The following SYT1 variants were observed in gnomAD, a reference collection of about 807,000 sequenced individuals.
The protein encoded by SYT1 is synaptotagmin-1.
In SYT1, 8 loss-of-function variants were observed where a neutral mutation model predicts 44.8. That is an observed-to-expected ratio of 0.18 (90% CI 0.10 to 0.32). SYT1 has a LOEUF of 0.32. Among genes scored for constraint, SYT1 ranks in the 10% least tolerant of loss-of-function variants. The probability of loss-of-function intolerance (pLI) is 1.00; values close to 1 mark genes in which losing one functional copy is unlikely to be tolerated. For missense variants in SYT1, 286 were observed against 509.3 expected, an observed-to-expected ratio of 0.56 and a Z score of 4.22; for synonymous variants, 154 against 188.8, an observed-to-expected ratio of 0.82 and a Z score of 1.51.
intron 3 of SYT1, among the ~76,000 whole-genome samples, chr12:79,205,328 A>G (rs1282599101): frequency 6.6e-6 from 1 of 151,792 alleles, no homozygotes; most frequent in Non-Finnish European, 1.5e-5. Context: ...ATTTGAAAAA[A>G]CTCATATCTT....
chr12:79,245,913 C>A, intron 4 of SYT1, among the ~76,000 whole-genome samples: 1 of 150,402 alleles, frequency 6.6e-6, no homozygotes, highest in African/African-American at 2.5e-5. Context: ...ACCACATGAG[C>A]AAATAGATGT....
At chr12:78,903,662 A>G in intron 1 of SYT1, among the ~76,000 whole-genome samples, 1 of 152,072 alleles carries the variant, frequency 6.6e-6, no homozygotes, top group South Asian at 2.1e-4. Context: ...TTCTTTCTGC[A>G]TTCTATAAAA....
In SYT1 at chr12:79,253,483, G is replaced by GTCTCTCTCTCTCTCTCTC. The variant is rs60179268; in HGVS notation, c.167-32279_167-32262dup. Among the ~76,000 whole-genome samples, 6 of 129,488 alleles carry GTCTCTCTCTCTCTCTCTC rather than the reference G, an allele frequency of 4.6e-5. No individual in the cohort carries two copies. The South Asian group carries it at 1.4e-3, about 31-fold the overall frequency. The allele number at this position is 129,488 out of a possible 152,430, so 84.9% of individuals were successfully genotyped here. A position where few individuals can be genotyped will look rare whatever the true frequency, so the allele number is the denominator to read the frequency against. On this transcript the variant is annotated intron_variant, in intron 4 of 10. Transcript: ENST00000261205. Reference sequence around the variant, plus strand: ...CTGTTCCACCAAAAGCCATTGCCCAGTCTCTCTCTCTCTCTCTCTCTCTCT... The same window carrying GTCTCTCTCTCTCTCTCTC: ...CTGTTCCACCAAAAGCCATTGCCCAGTCTCTCTCTCTCTCTCTCTCTCTCTCTCTCTCTCTCTCTCTCT...
intron 3 of SYT1, among the ~76,000 whole-genome samples, chr12:79,194,809 G>A (rs1349193958): frequency 6.6e-6 from 1 of 152,074 alleles, no homozygotes; most frequent in Admixed American, 6.6e-5. Context: ...ATGTGGCAGT[G>A]AATATAACCA....
At chr12:78,969,513 G>A (rs942306231) in intron 1 of SYT1, among the ~76,000 whole-genome samples, 1 of 152,194 alleles carries the variant, frequency 6.6e-6, no homozygotes, top group African/African-American at 2.4e-5. Flanking sequence ...GTTTGAGGAG[G>A]ACAGAGAATG....
intron 3 of SYT1, among the ~76,000 whole-genome samples, chr12:79,137,421 A>G (rs904921454): frequency 6.6e-6 from 1 of 152,006 alleles, no homozygotes; most frequent in Admixed American, 6.6e-5. Context: ...TTGGAACTTT[A>G]TATCTATTAT....
chr12:79,018,547 C>A (rs1343032502), intron 2 of SYT1, among the ~76,000 whole-genome samples: 2 of 151,964 alleles, frequency 1.3e-5, no homozygotes, highest in African/African-American at 4.8e-5. Flanking sequence ...AAAACAAATT[C>A]TAAGTGAAAA....
At chr12:79,282,538 T>G (rs1015524788) in intron 4 of SYT1, among the ~76,000 whole-genome samples, 1 of 152,220 alleles carries the variant, frequency 6.6e-6, no homozygotes, top group Non-Finnish European at 1.5e-5. Context: ...ACTGATAGTT[T>G]TCTGCCTGTA....
In SYT1 at chr12:79,450,183, G is replaced by C. The variant is rs1870973211; in HGVS notation, c.*1059G>C. The stretch of plus-strand genomic sequence containing the variant: ...TTTATTATATAAAACCAGGTTAGAA[G>C]GAATGCAGGATATTTTTAACACAAC... On this transcript the variant is annotated 3_prime_UTR_variant, in exon 11 of 11. Transcript: ENST00000261205. 6.6e-6 allele frequency: 1 copy of C among 152,526 alleles called. No individual in the cohort carries two copies. Among genetic ancestry groups the C allele is most frequent in the South Asian group, 2.1e-4 (1 of 4,826 alleles). The allele number at this position is 152,526 out of a possible 1,614,324, so 9.4% of individuals were successfully genotyped here.
rs1873439806 is a variant in SYT1 at position 78,864,797 on chromosome 12, A to T, written c.-529A>T. Reference sequence around the variant, plus strand: ...CCAGTGTCTTTCCACCTCCTCCTGCAGCAGCGGCAGCGGCAGCAGCAGTTA... The same window carrying T: ...CCAGTGTCTTTCCACCTCCTCCTGCTGCAGCGGCAGCGGCAGCAGCAGTTA... On this transcript the variant is annotated 5_prime_UTR_variant, in exon 1 of 11. Coordinates refer to ENST00000261205, the MANE Select transcript of SYT1 (RefSeq NM_005639.3). 6.3e-6 allele frequency: 1 copy of T among 157,950 alleles called. No homozygotes were observed. The highest frequency in any genetic ancestry group is 1.4e-5 in the Non-Finnish European group (1 of 72,992). 9.8% of individuals were successfully genotyped at this position (157,950 alleles called of 1,614,324 possible). A position where few individuals can be genotyped will look rare whatever the true frequency, so the allele number is the denominator to read the frequency against.
At chr12:79,427,375 C>T (rs1366252624) in intron 9 of SYT1, among the ~76,000 whole-genome samples, 1 of 152,138 alleles carries the variant, frequency 6.6e-6, no homozygotes, top group South Asian at 2.1e-4. Context: ...TAAGGTTTAG[C>T]GCCCTCACTC....
At chr12:79,068,043 A>G (rs1342852699) in intron 3 of SYT1, among the ~76,000 whole-genome samples, 1 of 152,198 alleles carries the variant, frequency 6.6e-6, no homozygotes, top group African/African-American at 2.4e-5. Flanking sequence ...CAGAGCTCCT[A>G]CCATGCTTTG....
chr12:79,248,944 T>A (rs146999663), intron 4 of SYT1, among the ~76,000 whole-genome samples: 3 of 152,296 alleles, frequency 2.0e-5, no homozygotes, highest in Non-Finnish European at 4.4e-5. Flanking sequence ...CTTGGCAGAA[T>A]AAACTGATTT....
chr12:79,395,245 A>T (rs550642028), intron 9 of SYT1, among the ~76,000 whole-genome samples: 1 of 152,152 alleles, frequency 6.6e-6, no homozygotes, highest in East Asian at 1.9e-4. Flanking sequence ...TTTGAGATGG[A>T]GTCACTTCTT....
At chr12:78,890,540 AAAT>A (rs915029051) in intron 1 of SYT1, among the ~76,000 whole-genome samples, 5 of 151,690 alleles carry the variant, frequency 3.3e-5, no homozygotes, top group Admixed American at 1.3e-4. Flanking sequence ...AAGTATAATA[AAAT>A]AATAATAATA....
At chr12:78,933,856 C>T (rs942816284) in intron 1 of SYT1, among the ~76,000 whole-genome samples, 1 of 151,670 alleles carries the variant, frequency 6.6e-6, no homozygotes, top group Non-Finnish European at 1.5e-5. Context: ...GGGTAGAATC[C>T]GATAACATTA....
rs536915576 is a variant in SYT1 at position 78,987,648 on chromosome 12, A to G, written c.-84+9717A>G. Among the ~76,000 whole-genome samples, 6 of 152,116 alleles carry G rather than the reference A, an allele frequency of 3.9e-5. No homozygotes were observed. In the East Asian group the frequency reaches 1.2e-3, roughly 29 times the overall value. ...TGAGCCTACAGTACTCTGCATACATAGTTACCATTTGCTATTTACTTTACA... is the reference window on the plus strand; with the variant it reads ...TGAGCCTACAGTACTCTGCATACATGGTTACCATTTGCTATTTACTTTACA... On this transcript the variant is annotated intron_variant, in intron 2 of 10. Coordinates refer to ENST00000261205, the MANE Select transcript of SYT1 (RefSeq NM_005639.3).
At chr12:79,446,015 A>ATATATATACATATATATATATATG (rs1870703036) in intron 10 of SYT1, among the ~76,000 whole-genome samples, 4 of 113,586 alleles carry the variant, frequency 3.5e-5, no homozygotes, top group Non-Finnish European at 5.5e-5. Flanking sequence ...ATATATATAT[A>ATATATATACATATATATATATATG]TATATATATA....
chr12:79,303,222 G>A (rs1880231680), intron 8 of SYT1, among the ~76,000 whole-genome samples: 1 of 152,024 alleles, frequency 6.6e-6, no homozygotes, highest in Non-Finnish European at 1.5e-5. Context: ...CTTATGTGCA[G>A]TTTTAAAATT....
Sources: allele counts gnomAD v4.1 joint callset (sites outside exome capture counted in the v4.1 genomes callset), GRCh38; gene constraint gnomAD v4.1.1; transcripts MANE v1.5; gene names NCBI Gene and HGNC (gene_info 2026-07-23, HGNC 2026-07-21).